Variants in NTM observed in about 807,000 individuals in gnomAD.
NTM encodes the protein neurotrimin.
In NTM, 13 loss-of-function variants were observed where a neutral mutation model predicts 42.1. The ratio of observed to expected loss-of-function variants is 0.31; its 90% CI spans 0.20 to 0.49. NTM has a LOEUF of 0.49. Ranked by LOEUF, NTM falls within the 20% of genes least tolerant of loss-of-function variation. The pLI, the probability that NTM is intolerant of heterozygous loss-of-function variation, is 0.99. For missense variants in NTM, 373 were observed against 452.8 expected (o/e 0.82, Z 1.60); for synonymous variants, 187 against 179.2 (o/e 1.04, Z -0.35).
chr11:131,452,796 A>G (rs1206401778), intron 1 of NTM, among the ~76,000 whole-genome samples: 1 of 152,186 alleles, frequency 6.6e-6, no homozygotes, highest in Non-Finnish European at 1.5e-5. Context: ...ATCAGGCCAC[A>G]CAGGTGCTGG....
At chr11:132,272,033 T>C (rs2093503260) in intron 4 of NTM, among the ~76,000 whole-genome samples, 1 of 152,166 alleles carries the variant, frequency 6.6e-6, no homozygotes, top group Admixed American at 6.5e-5. Flanking sequence ...ATTATGTATC[T>C]TGAGTTAAAT....
chr11:132,009,986 C>T (rs749217271), intron 2 of NTM, among the ~76,000 whole-genome samples: 3 of 151,950 alleles, frequency 2.0e-5, no homozygotes, highest in South Asian at 2.1e-4. Context: ...CTGAGCTGAC[C>T]GAATACACGT....
rs530313067 is a variant in NTM at position 132,002,021 on chromosome 11, G to A, written c.167+90373G>A. Among the ~76,000 whole-genome samples the A allele has an allele frequency of 6.6e-4, 101 of 152,242 alleles. 1 individual carries two copies. The highest frequency in any genetic ancestry group is 2.2e-3 in the African/African-American group (93 of 41,554). On this transcript the variant is annotated intron_variant, in intron 2 of 8. Transcript: ENST00000683400. The surrounding 1 kb of genome is among the most constrained non-coding windows in gnomAD (Gnocchi z 4.5). The stretch of plus-strand genomic sequence containing the variant: ...CATGTGTAGAAAAACTTGAATAAAA[G>A]CAATGGCAGGGACAGCCAAAGAGGA...
At chr11:131,986,559 A>G (rs1440163819) in intron 2 of NTM, among the ~76,000 whole-genome samples, 1 of 152,226 alleles carries the variant, frequency 6.6e-6, no homozygotes, top group African/African-American at 2.4e-5. Context: ...ACAACTCACC[A>G]GAGTTAAACT....
chr11:131,660,063 C>T (rs939240074), intron 1 of NTM, among the ~76,000 whole-genome samples: 1 of 152,314 alleles, frequency 6.6e-6, no homozygotes, highest in Non-Finnish European at 1.5e-5. Context: ...TTCCTTACAG[C>T]CGACAGAACC....
intron 3 of NTM, among the ~76,000 whole-genome samples, chr11:132,162,436 G>A (rs181531228): frequency 6.7e-6 from 1 of 148,404 alleles, no homozygotes; most frequent in Admixed American, 6.7e-5. Context: ...GTATGTTTTT[G>A]TGTAGAGCAT....
At chr11:131,874,015 T>TATATAATATAATATAATATAATATA (rs1314514357) in intron 1 of NTM, among the ~76,000 whole-genome samples, 1 of 67,514 alleles carries the variant, frequency 1.5e-5, no homozygotes, top group African/African-American at 3.7e-5. Context: ...ATAATATATT[T>TATATAATATAATATAATATAATATA]ATATAATATA....
At chr11:131,401,812 A>ATATATATATATATATATATATGTGTG (rs1945185957) in intron 1 of NTM, among the ~76,000 whole-genome samples, 1 of 21,630 alleles carries the variant, frequency 4.6e-5, no homozygotes, top group Non-Finnish European at 7.8e-5. Context: ...ATATATATAT[A>ATATATATATATATATATATATGTGTG]TATATATATA....
intron 1 of NTM, among the ~76,000 whole-genome samples, chr11:131,785,879 C>T (rs949946577): frequency 4.6e-5 from 7 of 152,304 alleles, no homozygotes; most frequent in African/African-American, 7.2e-5. Context: ...TAGCCTTTGG[C>T]GAGTGCCGGG....
chr11:131,864,977 C>T lies in NTM; in HGVS notation c.83-46587C>T, dbSNP rs114747739. ...AAGAGGAAAGCTTGGCAACCTCTCC[C>T]GCACCGGCCCAGTGGGTCTCCCACC... On this transcript the variant is annotated intron_variant, in intron 1 of 8. Transcript: ENST00000683400. Among the ~76,000 whole-genome samples the T allele has an allele frequency of 2.7e-3, 413 of 152,294 alleles. 5 individuals are homozygous for T. Among genetic ancestry groups the T allele is most frequent in the African/African-American group, 9.4e-3 (392 of 41,562 alleles).
chr11:131,671,957 G>T (rs1272688915), intron 1 of NTM, among the ~76,000 whole-genome samples: 1 of 152,198 alleles, frequency 6.6e-6, no homozygotes, highest in Non-Finnish European at 1.5e-5. Context: ...GAGAGCACTG[G>T]GCTGGCTGTT....
At chr11:132,314,883 G>GAGGAGGCAGACAGAAAGAGAA in intron 7 of NTM, 180 bp downstream of exon 7, 2 of 1,359,674 alleles carry the variant, frequency 1.5e-6, no homozygotes, top group Non-Finnish European at 1.9e-6. Context: ...GAGAGACAGG[G>GAGGAGGCAGACAGAAAGAGAA]AGGAGGCAGA....
chr11:131,799,410 AG>A (rs1168813037), intron 1 of NTM, among the ~76,000 whole-genome samples: 1 of 152,170 alleles, frequency 6.6e-6, no homozygotes, highest in Non-Finnish European at 1.5e-5. Context: ...GGCATATTGC[AG>A]GTGTACAAAC....
chr11:132,083,901 C>G (rs564325618), intron 2 of NTM, among the ~76,000 whole-genome samples: 1 of 151,988 alleles, frequency 6.6e-6, no homozygotes, highest in African/African-American at 2.4e-5. Context: ...CAGGAGTCTA[C>G]CTTACTCAAT....
chr11:131,998,143 AC>A (rs2068435883), intron 2 of NTM, among the ~76,000 whole-genome samples: 1 of 152,096 alleles, frequency 6.6e-6, no homozygotes, highest in South Asian at 2.1e-4. Flanking sequence ...GCCTGGTTTT[AC>A]GGGGTCATAA....
rs777176352 is a variant in NTM at position 131,792,005 on chromosome 11, G to A, written c.83-119559G>A. Among the ~76,000 whole-genome samples the A allele has an allele frequency of 3.9e-5, 6 of 152,214 alleles. No homozygotes were observed. The South Asian group carries it at 6.2e-4, about 16-fold the overall frequency. Reference sequence around the variant, plus strand: ...GGCACCTGTAGGCTATAACTGATACGTAATAATTGTTATTACAAGAGAGGG... The same window carrying A: ...GGCACCTGTAGGCTATAACTGATACATAATAATTGTTATTACAAGAGAGGG... On this transcript the variant is annotated intron_variant, in intron 1 of 8. Transcript: ENST00000683400.
In NTM at chr11:131,714,991, A is replaced by G. The variant is rs1307766987; in HGVS notation, c.83-196573A>G. 3.9e-5 allele frequency among the ~76,000 whole-genome samples: 6 copies of G among 152,230 alleles called. No homozygotes were observed. The East Asian group carries it at 1.2e-3, about 29-fold the overall frequency. ...TCATACAGTCACACTTGCTTAATTA[A>G]TGCTTCCTAATAAAGAAGCAAAATC... On this transcript the variant is annotated intron_variant, in intron 1 of 8. Transcript: ENST00000683400.
chr11:131,834,078 C>T (rs1565609531), intron 1 of NTM, among the ~76,000 whole-genome samples: 1 of 152,122 alleles, frequency 6.6e-6, no homozygotes, highest in Non-Finnish European at 1.5e-5. Context: ...TCTTCTTTAT[C>T]CTGATATCTT....
At chr11:131,863,129 T>C (rs1485353584) in intron 1 of NTM, among the ~76,000 whole-genome samples, 2 of 152,192 alleles carry the variant, frequency 1.3e-5, no homozygotes, top group African/African-American at 4.8e-5. Context: ...TTTTGGAAGG[T>C]GGAACCAAAA....
Sources: gnomAD v4.1 joint callset for allele counts (sites outside exome capture counted in the v4.1 genomes callset) on GRCh38, gnomAD v4.1.1 for gene constraint, Gnocchi (gnomAD v3.1) non-coding constraint, MANE v1.5 for transcripts, NCBI Gene and HGNC (gene_info 2026-07-23, HGNC 2026-07-21) for gene names.